Variants in ERC1 observed in about 807,000 individuals in gnomAD.
ERC1 encodes RAB6 interacting protein 2.
Under a neutral mutation model 132.0 loss-of-function variants are expected in ERC1, and 56 were observed. The ratio of observed to expected loss-of-function variants is 0.42; its 90% CI spans 0.34 to 0.53. The LOEUF (loss-of-function observed/expected upper bound fraction) is 0.53. Ranked by LOEUF, ERC1 falls within the 20% of genes least tolerant of loss-of-function variation. The probability of loss-of-function intolerance (pLI) is 0.03; values close to 1 mark genes in which losing one functional copy is unlikely to be tolerated. For synonymous variants in ERC1, 478 were observed against 476.1 expected (o/e 1.00, Z -0.05); for missense variants, 1,202 against 1,349.9 (o/e 0.89, Z 1.72).
chr12:1,209,179 G>A (rs1029477442), intron 12 of ERC1, among the ~76,000 whole-genome samples: 2 of 151,960 alleles, frequency 1.3e-5, no homozygotes. Flanking sequence ...ACGTTGCTCA[G>A]GCTGGTCTTG....
chr12:1,464,678 G>A (rs1248170118), intron 18 of ERC1, among the ~76,000 whole-genome samples: 7 of 151,380 alleles, frequency 4.6e-5, no homozygotes, highest in Non-Finnish European at 4.4e-5. Flanking sequence ...GCACCATGAC[G>A]CCCAGCTAAT....
chr12:1,161,751 C>T (rs565860738), intron 8 of ERC1, among the ~76,000 whole-genome samples: 3 of 152,292 alleles, frequency 2.0e-5, no homozygotes, highest in African/African-American at 7.2e-5. Flanking sequence ...GCCTTAAATT[C>T]TGTACTTTGC....
At chr12:1,468,050 C>A (rs567840167) in intron 18 of ERC1, among the ~76,000 whole-genome samples, 4 of 152,132 alleles carry the variant, frequency 2.6e-5, no homozygotes, top group Non-Finnish European at 4.4e-5. Flanking sequence ...GTACACGGAC[C>A]CAGTACTGGG....
intron 12 of ERC1, among the ~76,000 whole-genome samples, chr12:1,196,991 T>TAG (rs1956389615): frequency 7.4e-6 from 1 of 135,690 alleles, no homozygotes; most frequent in Admixed American, 7.4e-5. Flanking sequence ...TTTTTTTTTT[T>TAG]TTTTTTTAAG....
chr12:1,007,534 C>CTGTGTGTG (rs1462934116), intron 1 of ERC1, among the ~76,000 whole-genome samples: 30 of 68,460 alleles, frequency 4.4e-4, no homozygotes, highest in Non-Finnish European at 1.6e-4. Flanking sequence ...CTCTCTCTCT[C>CTGTGTGTG]TCTCTCTGTG....
chr12:1,126,942 C>G (rs1211542399), intron 7 of ERC1, among the ~76,000 whole-genome samples: 1 of 138,556 alleles, frequency 7.2e-6, no homozygotes, highest in Non-Finnish European at 1.5e-5. Flanking sequence ...GAGCTGAGAT[C>G]ATGCCACTGC....
chr12:1,196,905 T>TACAC (rs766381798), intron 12 of ERC1, among the ~76,000 whole-genome samples: 49 of 57,710 alleles, frequency 8.5e-4, no homozygotes, highest in East Asian at 1.9e-3. Context: ...TCTGTCTCTC[T>TACAC]ACACACACAC....
intron 15 of ERC1, among the ~76,000 whole-genome samples, chr12:1,325,236 C>T (rs980362606): frequency 3.9e-5 from 6 of 152,222 alleles, no homozygotes; most frequent in Admixed American, 1.3e-4. Context: ...TGTAATAAAA[C>T]GTATCAATGT....
intron 2 of ERC1, among the ~76,000 whole-genome samples, chr12:1,071,838 C>T (rs1215580389): frequency 1.3e-5 from 2 of 152,290 alleles, no homozygotes; most frequent in East Asian, 3.9e-4. Context: ...CAGTGGCTCA[C>T]ACCTTTAATC....
chr12:1,209,302 A>G (rs1957644822), intron 12 of ERC1, among the ~76,000 whole-genome samples: 1 of 152,002 alleles, frequency 6.6e-6, no homozygotes, highest in Admixed American at 6.6e-5. Context: ...CAAGGGGGCT[A>G]TTGGTATGTA....
Position 1,492,442 on chromosome 12 carries a change from G to A in ERC1, c.*2212G>A, listed in dbSNP as rs2154435367. ...AGCAGGCGAGGCCATGCCTAAACAAGTGGTCTGGCACGGGCACTGGCCAGC... is the reference window on the plus strand; with the variant it reads ...AGCAGGCGAGGCCATGCCTAAACAAATGGTCTGGCACGGGCACTGGCCAGC... On this transcript the variant is annotated 3_prime_UTR_variant, in exon 19 of 19. Coordinates refer to ENST00000360905, the MANE Select transcript of ERC1 (RefSeq NM_178040.4). The A allele has an allele frequency of 4.3e-6, 1 of 233,302 alleles. No individual in the cohort carries two copies. The highest frequency in any genetic ancestry group is 6.0e-5 in the East Asian group (1 of 16,592). 14.5% of individuals were successfully genotyped at this position (233,302 alleles called of 1,614,324 possible). A position where few individuals can be genotyped will look rare whatever the true frequency, so the allele number is the denominator to read the frequency against.
At chr12:1,095,041 T>A (rs893407464) in intron 3 of ERC1, among the ~76,000 whole-genome samples, 2 of 152,156 alleles carry the variant, frequency 1.3e-5, no homozygotes, top group Non-Finnish European at 2.9e-5. Context: ...CAGACCTAAG[T>A]TTTACTTTTT....
At chr12:1,021,993 A>G (rs1057336308) in intron 1 of ERC1, among the ~76,000 whole-genome samples, 10 of 152,238 alleles carry the variant, frequency 6.6e-5, no homozygotes, top group Non-Finnish European at 1.2e-4. Flanking sequence ...ACAGTTCTCA[A>G]CATTACTTAT....
At chr12:1,399,878 G>A (rs765482831) in intron 16 of ERC1, among the ~76,000 whole-genome samples, 12 of 152,144 alleles carry the variant, frequency 7.9e-5, no homozygotes, top group Non-Finnish European at 1.6e-4. Flanking sequence ...ATGGAAACAC[G>A]TTTTCAGTTA....
At chr12:1,276,383 G>A (rs924197836) in intron 14 of ERC1, among the ~76,000 whole-genome samples, 30 of 151,552 alleles carry the variant, frequency 2.0e-4, no homozygotes, top group East Asian at 1.2e-3. Flanking sequence ...GATTACAGGC[G>A]CCCGCCACCA....
chr12:1,037,095 T>A (rs945861173), intron 2 of ERC1, among the ~76,000 whole-genome samples: 9 of 152,222 alleles, frequency 5.9e-5, no homozygotes, highest in Non-Finnish European at 1.2e-4. Flanking sequence ...AGTTTGCTTA[T>A]CTGGAATGTA....
intron 16 of ERC1, among the ~76,000 whole-genome samples, chr12:1,375,100 CTG>C (rs60535199): frequency 0.41 from 61,497 of 151,786 alleles, 13,689 homozygotes; most frequent in African/African-American, 0.59. Context: ...GGCAGACATT[CTG>C]TGTGTTAGTC....
At chr12:1,205,210 G>C (rs1480283615) in intron 12 of ERC1, among the ~76,000 whole-genome samples, 1 of 151,920 alleles carries the variant, frequency 6.6e-6, no homozygotes, top group Admixed American at 6.6e-5. Flanking sequence ...GAGAGAAGCG[G>C]CACAAAACAA....
rs151315179 is a variant in ERC1 at position 1,119,834 on chromosome 12, G to A, written c.1569+3801G>A. 7.9e-5 allele frequency among the ~76,000 whole-genome samples: 12 copies of A among 152,186 alleles called. No homozygotes were observed. The East Asian group carries it at 1.9e-3, about 24-fold the overall frequency. ...CAAAGTGCTGGGATTACAGGTGTGA[G>A]CCACCGCATCCATTCAGGAGTTACT... On this transcript the variant is annotated intron_variant, in intron 7 of 18. Transcript: ENST00000360905.
Sources: gnomAD v4.1 joint callset for allele counts (sites outside exome capture counted in the v4.1 genomes callset) on GRCh38, gnomAD v4.1.1 for gene constraint, MANE v1.5 for transcripts, NCBI Gene and HGNC (gene_info 2026-07-23, HGNC 2026-07-21) for gene names.